Variants in ARHGEF18 observed in about 807,000 individuals in gnomAD.
ARHGEF18 encodes rho guanine nucleotide exchange factor 18.
ARHGEF18 carries 93 observed loss-of-function variants against 155.7 expected under a neutral mutation model. That is an observed-to-expected ratio of 0.60 (90% CI 0.50 to 0.71). The LOEUF is 0.71. Among genes scored for constraint, ARHGEF18 ranks in the 30% least tolerant of loss-of-function variants. The pLI is 0.00. For synonymous variants in ARHGEF18, 742 were observed against 753.1 expected (o/e 0.99, Z 0.24); for missense variants, 1,593 against 1,816.1 (o/e 0.88, Z 2.23).
At chr19:7,457,762 C>A (rs1262390646) in intron 18 of ARHGEF18, among the ~76,000 whole-genome samples, 1 of 151,880 alleles carries the variant, frequency 6.6e-6, no homozygotes, top group African/African-American at 2.4e-5. Flanking sequence ...ACAGTGTAGC[C>A]CACTCTAGCC....
rs2145924647 is a variant in ARHGEF18, at chr19:7,470,177, G to C, written c.3965G>C (p.Gly1322Ala). Residue 1322 changes from glycine (G) to alanine (A), a missense_variant, in exon 29 of 29, where the codon GGC (glycine) becomes GCC (alanine). By Grantham distance (60) the Gly-to-Ala change is moderately conservative. Transcript: ENST00000668164. The surrounding 1 kb of genome is among the most constrained non-coding windows in gnomAD (Gnocchi z 5.9). Reference sequence around the variant, plus strand: ...CCGCCAGCTGACAGCCCCTCCGAGGGCTTCTCTCTCAAGGCCGGGGGCACA... The same window carrying C: ...CCGCCAGCTGACAGCCCCTCCGAGGCCTTCTCTCTCAAGGCCGGGGGCACA... ...SPPPADSPSE[G>A]FSLKAGGTAL... The C allele has an allele frequency of 6.2e-7, 1 of 1,612,086 alleles. No individual in the cohort carries two copies. Among genetic ancestry groups the C allele is most frequent in the South Asian group, 1.1e-5 (1 of 91,050 alleles).
At chr19:7,405,622 T>A (rs1196184552) in intron 10 of ARHGEF18, among the ~76,000 whole-genome samples, 1 of 152,248 alleles carries the variant, frequency 6.6e-6, no homozygotes, top group Non-Finnish European at 1.5e-5. Context: ...TTTTAGTTTT[T>A]GTTTTTGAAA....
In ARHGEF18 at chr19:7,462,117, C is replaced by T. The variant is rs377029637; in HGVS notation, c.2453-35C>T. The stretch of plus-strand genomic sequence containing the variant: ...CTCAGATGATTCCAGGGAAGGCCGA[C>T]CCGGCTGACTGCCACCTCCACCATC... On this transcript the variant is annotated intron_variant, in intron 20 of 28. Coordinates refer to ENST00000668164, the MANE Select transcript of ARHGEF18 (RefSeq NM_001367823.1). The surrounding 1 kb of genome is among the most constrained non-coding windows in gnomAD (Gnocchi z 4.4). 1.2e-5 allele frequency: 20 copies of T among 1,613,154 alleles called. No individual in the cohort carries two copies. Among genetic ancestry groups the T allele is most frequent in the Non-Finnish European group, 1.7e-5 (20 of 1,179,834 alleles).
chr19:7,415,338 G>C (rs968048704), intron 10 of ARHGEF18, among the ~76,000 whole-genome samples: 1 of 151,918 alleles, frequency 6.6e-6, no homozygotes, highest in Non-Finnish European at 1.5e-5. Flanking sequence ...TGCCGAGCCC[G>C]CCACTCTGCC....
intron 17 of ARHGEF18, among the ~76,000 whole-genome samples, chr19:7,455,006 G>A (rs1183902661): frequency 6.6e-6 from 1 of 152,194 alleles, no homozygotes; most frequent in Non-Finnish European, 1.5e-5. Context: ...GTTCAGACCA[G>A]AGAGTGCTCA....
intron 16 of ARHGEF18, 96 bp from the exon 17 acceptor site, chr19:7,453,371 C>T (rs1366148118): frequency 1.3e-5 from 17 of 1,358,490 alleles, no homozygotes; most frequent in African/African-American, 2.9e-5. Context: ...TGTGTCCACA[C>T]ACCTCATAGA....
At chr19:7,436,493 G>C (rs932761504) in intron 10 of ARHGEF18, among the ~76,000 whole-genome samples, 5 of 152,036 alleles carry the variant, frequency 3.3e-5, no homozygotes, top group Non-Finnish European at 7.4e-5. Context: ...GGCCAGGCTG[G>C]TCTTGAACTC....
intron 2 of ARHGEF18, among the ~76,000 whole-genome samples, chr19:7,363,605 T>C (rs1006210530): frequency 6.7e-6 from 1 of 148,800 alleles, no homozygotes; most frequent in Non-Finnish European, 1.5e-5. Context: ...GGAAGGAAGA[T>C]GGATGGATGA....
At chr19:7,458,297 T>A (rs34605547) in intron 18 of ARHGEF18, among the ~76,000 whole-genome samples, 15,267 of 91,374 alleles carry the variant, frequency 0.17, 1,257 homozygotes, top group East Asian at 0.21. Context: ...CAAGATAGTT[T>A]AAAAAAAAAA....
downstream of ARHGEF18, among the ~76,000 whole-genome samples, chr19:7,475,525 A>AACACAC (rs145950630): frequency 0.17 from 25,396 of 150,386 alleles, 2,146 homozygotes; most frequent in Non-Finnish European, 0.19. Context: ...AAACTGTTTA[A>AACACAC]ACACACACAC....
intron 10 of ARHGEF18, among the ~76,000 whole-genome samples, chr19:7,404,706 A>T (rs541736965): frequency 1.2e-4 from 19 of 152,068 alleles, no homozygotes; most frequent in Admixed American, 5.2e-4. Flanking sequence ...AGCTAATCCG[A>T]CCTGAACATC....
At position 7,440,284 on chromosome 19, in the gene ARHGEF18, G is replaced by C; in HGVS notation, c.968-60G>C. ...CAGTCGGAGCGGGGCTTCCGCGCCG[G>C]GGACCTCCGCTACCCGACCCACTTT... On this transcript the variant is annotated intron_variant, in intron 10 of 28. Transcript: ENST00000668164. The surrounding 1 kb of genome is among the most constrained non-coding windows in gnomAD (Gnocchi z 5.4). The C allele has an allele frequency of 6.4e-7, 1 of 1,572,844 alleles. No homozygotes were observed. Among genetic ancestry groups the C allele is most frequent in the Non-Finnish European group, 8.6e-7 (1 of 1,159,598 alleles).
rs1056391624 is a variant in ARHGEF18 at position 7,445,000 on chromosome 19, C to T, written c.1611+546C>T. On this transcript the variant is annotated intron_variant, in intron 14 of 28. Coordinates refer to ENST00000668164, the MANE Select transcript of ARHGEF18 (RefSeq NM_001367823.1). This position sits in a 1 kb window ranked among gnomAD's most constrained non-coding sequence, Gnocchi z 4.7. ...ACACACAGTTCTGGGCCCCTTACAGCGATGCCTGCAGTTCATATTCTAGAA... is the reference window on the plus strand; with the variant it reads ...ACACACAGTTCTGGGCCCCTTACAGTGATGCCTGCAGTTCATATTCTAGAA... Among the ~76,000 whole-genome samples, 1 of 152,166 alleles carries T rather than the reference C, an allele frequency of 6.6e-6. No individual in the cohort carries two copies. The highest frequency in any genetic ancestry group is 2.4e-5 in the African/African-American group (1 of 41,430).
chr19:7,391,059 T>A (rs1411759122), intron 10 of ARHGEF18, among the ~76,000 whole-genome samples: 3 of 151,378 alleles, frequency 2.0e-5, no homozygotes, highest in African/African-American at 7.3e-5. Context: ...ATAAATAAAA[T>A]AAAAATAAAA....
chr19:7,404,199 C>A (rs1784943344), intron 10 of ARHGEF18, among the ~76,000 whole-genome samples: 1 of 152,110 alleles, frequency 6.6e-6, no homozygotes, highest in African/African-American at 2.4e-5. Context: ...GAGCACCTTG[C>A]CAGAGGCAGG....
intron 3 of ARHGEF18, 26 bp from the exon 4 acceptor site, chr19:7,375,694 C>T (rs1970430748): frequency 8.1e-7 from 1 of 1,234,092 alleles, no homozygotes; most frequent in Non-Finnish European, 1.0e-6. Flanking sequence ...CCTGCTGAAG[C>T]CCCAGTACCC....
downstream of ARHGEF18, among the ~76,000 whole-genome samples, chr19:7,473,717 G>A (rs1977135279): frequency 1.3e-5 from 2 of 150,718 alleles, no homozygotes; most frequent in Non-Finnish European, 2.9e-5. Flanking sequence ...GGCTGAAGCA[G>A]GAGAATGGCG....
intron 3 of ARHGEF18, among the ~76,000 whole-genome samples, chr19:7,374,756 A>T (rs1362041654): frequency 6.6e-6 from 1 of 152,164 alleles, no homozygotes; most frequent in East Asian, 1.9e-4. Context: ...ACACCTGCTG[A>T]GAGTACGGCC....
In ARHGEF18 at chr19:7,372,880, G is replaced by C. The variant is rs1311729481; in HGVS notation, c.84G>C (p.Gln28His). Residue 28 changes from glutamine to histidine, a missense_variant, in exon 3 of 29, where the codon CAG (glutamine) becomes CAC (histidine). Gln to His is a conservative substitution (Grantham distance 24). Coordinates refer to ENST00000668164, the MANE Select transcript of ARHGEF18 (RefSeq NM_001367823.1). ...TCAGCCTGGATTTGGGGGCCCTTCA[G>C]GGCAGCGAGTATCTGCAGGACCTGG... ...EDLSLDLGALQGSEYLQDLGL... is the reference protein window; with the variant it reads ...EDLSLDLGALHGSEYLQDLGL... 4.9e-6 allele frequency: 6 copies of C among 1,234,430 alleles called. No individual in the cohort carries two copies. The highest frequency in any genetic ancestry group is 6.1e-6 in the Non-Finnish European group (6 of 988,292). 76.5% of individuals were successfully genotyped at this position (1,234,430 alleles called of 1,614,324 possible).
Sources: gnomAD v4.1 joint callset for allele counts (sites outside exome capture counted in the v4.1 genomes callset) on GRCh38, gnomAD v4.1.1 for gene constraint, Gnocchi (gnomAD v3.1) non-coding constraint, MANE v1.5 for transcripts, NCBI Gene and HGNC (gene_info 2026-07-23, HGNC 2026-07-21) for gene names.